TIRAP: variants seen among roughly 807,000 people sequenced by gnomAD.
TIRAP encodes the protein TIR domain containing adaptor protein.
In TIRAP, 20 loss-of-function variants were observed where a neutral mutation model predicts 19.8. That is an observed-to-expected ratio of 1.01 (90% confidence interval 0.71 to 1.47). TIRAP has a LOEUF of 1.47. TIRAP is among the 40% of genes most tolerant of loss of function. The pLI is 0.00. For synonymous variants in TIRAP, 125 were observed against 121.7 expected (o/e 1.03, Z -0.18); for missense variants, 276 against 285.1 (o/e 0.97, Z 0.23).
rs570847444 is a variant in TIRAP, at chr11:126,287,101, C to T, written c.-216-3361C>T. Reference sequence around the variant, plus strand: ...ACAGCTGCCGAATCCCCTTTTGCCACGGAAGGTAACATATTCTCAGTTCCG... The same window carrying T: ...ACAGCTGCCGAATCCCCTTTTGCCATGGAAGGTAACATATTCTCAGTTCCG... On this transcript the variant is annotated intron_variant, in intron 1 of 4. Transcript: ENST00000392679. The surrounding 1 kb of genome is among the most constrained non-coding windows in gnomAD (Gnocchi z 4.2). 4.2e-4 allele frequency among the ~76,000 whole-genome samples: 64 copies of T among 152,294 alleles called. 3 individuals carry two copies. In the South Asian group the frequency reaches 0.011, roughly 27 times the overall value.
chr11:126,284,637 C>T (rs8177355), intron 1 of TIRAP, among the ~76,000 whole-genome samples: 12,128 of 151,776 alleles, frequency 0.08, 667 homozygotes, highest in East Asian at 0.17. Context: ...AGGCAGATTA[C>T]GAGGTCAGGA....
rs1951390556 is a variant in TIRAP, at chr11:126,291,699, A to G, written c.67+738A>G. The G allele has an allele frequency of 2.7e-6, 1 of 373,610 alleles. No individual in the cohort carries two copies. The highest frequency in any genetic ancestry group is 7.7e-4 in the Middle Eastern group (1 of 1,306). The allele number at this position is 373,610 out of a possible 1,614,324, so 23.1% of individuals were successfully genotyped here. ...GTCCTCCGTACCCCTTCCTTCCTGT[A>G]TACGTAGCCCTTCCTAATCTAAGTC... On this transcript the variant is annotated intron_variant, in intron 3 of 4. Coordinates refer to ENST00000392679, the MANE Select transcript of TIRAP (RefSeq NM_001318777.2). The surrounding 1 kb of genome is among the most constrained non-coding windows in gnomAD (Gnocchi z 5.6).
intron 1 of TIRAP, among the ~76,000 whole-genome samples, chr11:126,285,037 G>C (rs1313558011): frequency 6.6e-6 from 1 of 151,874 alleles, no homozygotes; most frequent in Non-Finnish European, 1.5e-5. Flanking sequence ...CCATTTGGCT[G>C]AGTGCCCAGC....
chr11:126,289,909 AC>A (rs1268762938), intron 1 of TIRAP: 22 of 935,946 alleles, frequency 2.4e-5, no homozygotes, highest in African/African-American at 3.6e-5. Flanking sequence ...CAACCTCCCC[AC>A]CAAAAAACCT....
rs1343468127 is a variant in TIRAP, at chr11:126,290,322, G to A, written c.-216-140G>A. 4 of 596,736 alleles carry A rather than the reference G, an allele frequency of 6.7e-6. No homozygotes were observed. Among genetic ancestry groups the A allele is most frequent in the Middle Eastern group, 8.3e-4 (1 of 1,208 alleles). The allele number at this position is 596,736 out of a possible 1,614,324, so 37.0% of individuals were successfully genotyped here. A position where few individuals can be genotyped will look rare whatever the true frequency, so the allele number is the denominator to read the frequency against. On this transcript the variant is annotated intron_variant, in intron 1 of 4. Transcript: ENST00000392679. This position sits in a 1 kb window ranked among gnomAD's most constrained non-coding sequence, Gnocchi z 4.9. Reference sequence around the variant, plus strand: ...CAGGGGCGATGGGTCTATGGATGGAGTTATTCAGGGGGAGGCAGACTTGGA... The same window carrying A: ...CAGGGGCGATGGGTCTATGGATGGAATTATTCAGGGGGAGGCAGACTTGGA...
chr11:126,294,286 T>A lies in TIRAP; in HGVS notation c.*599T>A, dbSNP rs1000475176. ...CCTCTTCCCAGAGACATCGATTCAC[T>A]TCAAAGAGCTGTAGGGAAGATGCAG... is the stretch of plus-strand genomic sequence containing the variant. On this transcript the variant is annotated 3_prime_UTR_variant, in exon 5 of 5. Transcript: ENST00000392679. The A allele has an allele frequency of 6.8e-6, 2 of 293,892 alleles. No individual in the cohort carries two copies. The highest frequency in any genetic ancestry group is 3.1e-5 in the South Asian group (1 of 32,640). 18.2% of individuals were successfully genotyped at this position (293,892 alleles called of 1,614,324 possible).
intron 3 of TIRAP, 90 bp from the exon 4 acceptor site, chr11:126,292,385 CTG>C (rs1951402333): frequency 7.1e-6 from 10 of 1,403,122 alleles, no homozygotes; most frequent in Non-Finnish European, 9.8e-6. Flanking sequence ...TGCAGTCTGT[CTG>C]TCCTCCCTGT....
chr11:126,292,894 T>C lies in TIRAP; in HGVS notation c.485T>C (p.Leu162Pro), dbSNP rs1430551644. Residue 162 changes from leucine to proline, a missense_variant, in exon 4 of 5, where the codon CTG becomes CCG. Physicochemically the swap from Leu to Pro is moderately conservative, Grantham distance 98. Transcript: ENST00000392679. ...LQDPWCKYQM[L>P]QALTEAPGAE... ...GACCCCTGGTGCAAGTACCAGATGCTGCAGGCCCTGACCGAGGCTCCAGGG... is the reference window on the plus strand; with the variant it reads ...GACCCCTGGTGCAAGTACCAGATGCCGCAGGCCCTGACCGAGGCTCCAGGG... 19 of 1,613,578 alleles carry C rather than the reference T, an allele frequency of 1.2e-5. No homozygotes were observed. The highest frequency in any genetic ancestry group is 1.4e-5 in the Non-Finnish European group (16 of 1,179,978).
rs1237057286 is a variant in TIRAP at position 126,291,868 on chromosome 11, G to C, written c.68-609G>C. Reference sequence around the variant, plus strand: ...AAGGTGGGCTGGGCTGGGGGTACCAGATATCAAAGGGCCTGGAGTAGTGCA... The same window carrying C: ...AAGGTGGGCTGGGCTGGGGGTACCACATATCAAAGGGCCTGGAGTAGTGCA... On this transcript the variant is annotated intron_variant, in intron 3 of 4. Transcript: ENST00000392679. The surrounding 1 kb of genome is among the most constrained non-coding windows in gnomAD (Gnocchi z 5.6). Among the ~76,000 whole-genome samples the C allele has an allele frequency of 2.6e-5, 4 of 151,974 alleles. No homozygotes were observed. Among genetic ancestry groups the C allele is most frequent in the African/African-American group, 9.7e-5 (4 of 41,282 alleles).
rs1446828260 is a variant in TIRAP at position 126,288,522 on chromosome 11, G to T, written c.-216-1940G>T. On this transcript the variant is annotated intron_variant, in intron 1 of 4. Transcript: ENST00000392679. This position sits in a 1 kb window ranked among gnomAD's most constrained non-coding sequence, Gnocchi z 5.0. ...TCTTGGATTCCAGGAAGTAGGCAGTGTGTATGGTTACTGGAATTTACCTGC... is the reference window on the plus strand; with the variant it reads ...TCTTGGATTCCAGGAAGTAGGCAGTTTGTATGGTTACTGGAATTTACCTGC... The T allele has an allele frequency of 6.6e-6, 1 of 152,242 alleles. No individual in the cohort carries two copies. Among genetic ancestry groups the T allele is most frequent in the Non-Finnish European group, 1.5e-5 (1 of 68,046 alleles). 9.4% of individuals were successfully genotyped at this position (152,242 alleles called of 1,614,324 possible). A position where few individuals can be genotyped will look rare whatever the true frequency, so the allele number is the denominator to read the frequency against.
In TIRAP at chr11:126,287,608, T is replaced by C. The variant is rs1305878416; in HGVS notation, c.-216-2854T>C. On this transcript the variant is annotated intron_variant, in intron 1 of 4. Coordinates refer to ENST00000392679, the MANE Select transcript of TIRAP (RefSeq NM_001318777.2). This position sits in a 1 kb window ranked among gnomAD's most constrained non-coding sequence, Gnocchi z 4.2. ...TGCTGGGATTACAGGCATGAGCCAC[T>C]GTGCCCAGCCCACTTTGGATTTTAT... is the stretch of plus-strand genomic sequence containing the variant. Among the ~76,000 whole-genome samples, 2 of 150,780 alleles carry C rather than the reference T, an allele frequency of 1.3e-5. No homozygotes were observed.
intron 1 of TIRAP, among the ~76,000 whole-genome samples, chr11:126,286,946 C>T (rs764812681): frequency 6.6e-6 from 1 of 152,238 alleles, no homozygotes; most frequent in Non-Finnish European, 1.5e-5. Flanking sequence ...CCCACTGCCG[C>T]CTGCTTCCCT....
At chr11:126,286,865 G>A (rs929984746) in intron 1 of TIRAP, among the ~76,000 whole-genome samples, 1 of 152,168 alleles carries the variant, frequency 6.6e-6, no homozygotes, top group South Asian at 2.1e-4. Flanking sequence ...CAGCAAGGCC[G>A]TGCTCCTTCT....
chr11:126,286,397 C>T (rs1236547029), intron 1 of TIRAP, among the ~76,000 whole-genome samples: 1 of 152,094 alleles, frequency 6.6e-6, no homozygotes, highest in Non-Finnish European at 1.5e-5. Context: ...TTCTCACAGT[C>T]CCAGGTGTGA....
intron 1 of TIRAP, among the ~76,000 whole-genome samples, chr11:126,285,381 C>T (rs773373687): frequency 2.0e-4 from 31 of 151,816 alleles, no homozygotes; most frequent in Non-Finnish European, 4.1e-4. Context: ...CCTGCTTTAG[C>T]CTCCCGAGTA....
rs886360596 is a variant in TIRAP, at chr11:126,291,020, T to C, written c.67+59T>C. On this transcript the variant is annotated intron_variant, in intron 3 of 4. Transcript: ENST00000392679. The surrounding 1 kb of genome is among the most constrained non-coding windows in gnomAD (Gnocchi z 5.6). ...TCCTGAGTGTAGTGCTCAGCCTCCATAGGGCGCGGTGGGAGGCCTGCCTGG... is the reference window on the plus strand; with the variant it reads ...TCCTGAGTGTAGTGCTCAGCCTCCACAGGGCGCGGTGGGAGGCCTGCCTGG... The C allele has an allele frequency of 1.4e-4, 213 of 1,541,762 alleles. No homozygotes were observed. The highest frequency in any genetic ancestry group is 1.6e-4 in the Non-Finnish European group (188 of 1,141,522).
In TIRAP at chr11:126,292,832, C is replaced by T. The variant is rs376494593; in HGVS notation, c.423C>T (p.His141=). ...TGTGCCAGGCACTGAGCAGTAGTCA[C>T]TGCCGGGTGCTGCTCATCACGCCGG... ...SELCQALSSS[H]CRVLLITPGF... The change falls in exon 4 of 5, where the codon CAC becomes CAT. Residue 141 remains histidine (H), a synonymous_variant. Coordinates refer to ENST00000392679, the MANE Select transcript of TIRAP (RefSeq NM_001318777.2). 4 of 1,612,826 alleles carry T rather than the reference C, an allele frequency of 2.5e-6. No individual in the cohort carries two copies. In the African/African-American group the frequency reaches 4.0e-5, roughly 16 times the overall value.
At chr11:126,293,545 G>A in intron 4 of TIRAP, 123 bp from the exon 5 acceptor site, 1 of 1,128,352 alleles carries the variant, frequency 8.9e-7, no homozygotes, top group Non-Finnish European at 1.4e-6. Context: ...ATCTGGGGAG[G>A]GCCATGCTAT....
In TIRAP at chr11:126,291,228, C is replaced by T. The variant is rs1039164486; in HGVS notation, c.67+267C>T. 1.5e-5 allele frequency: 9 copies of T among 587,432 alleles called. No homozygotes were observed. The highest frequency in any genetic ancestry group is 2.7e-5 in the Non-Finnish European group (9 of 338,640). 36.4% of individuals were successfully genotyped at this position (587,432 alleles called of 1,614,324 possible). A position where few individuals can be genotyped will look rare whatever the true frequency, so the allele number is the denominator to read the frequency against. ...CTTTCCTAGCCTGGAAACCACTGTG[C>T]TGAGTGCTTAACACTGTCTCTTGTC... On this transcript the variant is annotated intron_variant, in intron 3 of 4. Coordinates refer to ENST00000392679, the MANE Select transcript of TIRAP (RefSeq NM_001318777.2). This position sits in a 1 kb window ranked among gnomAD's most constrained non-coding sequence, Gnocchi z 5.6.
Sources: gnomAD v4.1 joint callset for allele counts (sites outside exome capture counted in the v4.1 genomes callset) on GRCh38, gnomAD v4.1.1 for gene constraint, Gnocchi (gnomAD v3.1) non-coding constraint, MANE v1.5 for transcripts, NCBI Gene and HGNC (gene_info 2026-07-23, HGNC 2026-07-21) for gene names.